The following FBXL20 variants were observed in gnomAD, a reference collection of about 807,000 sequenced individuals.
FBXL20 encodes F-box/LRR-repeat protein 20.
A neutral mutation model predicts 64.0 loss-of-function variants in FBXL20; 11 were observed. The observed-to-expected ratio is 0.17, with a 90% confidence interval of 0.11 to 0.28. The LOEUF (loss-of-function observed/expected upper bound fraction) is 0.28. Among genes scored for constraint, FBXL20 ranks in the 10% least tolerant of loss-of-function variants. The pLI, the probability that FBXL20 is intolerant of heterozygous loss-of-function variation, is 1.00. For missense variants in FBXL20, 303 were observed against 526.2 expected, an observed-to-expected ratio of 0.58 and a Z score of 4.15; for synonymous variants, 184 against 189.0, an observed-to-expected ratio of 0.97 and a Z score of 0.22.
intron 1 of FBXL20, among the ~76,000 whole-genome samples, chr17:39,370,129 T>C (rs993390202): frequency 9.9e-5 from 15 of 151,488 alleles, no homozygotes; most frequent in Non-Finnish European, 1.9e-4. Context: ...AAATAAAATA[T>C]TAATGGAATT....
chr17:39,276,545 T>G (rs1262021083), intron 9 of FBXL20, among the ~76,000 whole-genome samples: 1 of 152,008 alleles, frequency 6.6e-6, no homozygotes, highest in Admixed American at 6.5e-5. Flanking sequence ...GGCGGATGCC[T>G]GTAATCCCAG....
At chr17:39,338,222 TG>T (rs1338782628) in intron 2 of FBXL20, among the ~76,000 whole-genome samples, 1 of 152,252 alleles carries the variant, frequency 6.6e-6, no homozygotes, top group Non-Finnish European at 1.5e-5. Flanking sequence ...GGGATCCTGT[TG>T]ATCTGTGACC....
At chr17:39,301,135 A>G (rs1233948229) in intron 3 of FBXL20, 60 bp from the exon 4 acceptor site, 8 of 1,496,640 alleles carry the variant, frequency 5.3e-6, no homozygotes, top group Admixed American at 3.5e-5. Flanking sequence ...AAAAGGCAGC[A>G]ATATTCAAGT....
intron 12 of FBXL20, among the ~76,000 whole-genome samples, chr17:39,265,687 A>AATT (rs1567855572): frequency 6.7e-6 from 1 of 148,356 alleles, no homozygotes; most frequent in Non-Finnish European, 1.5e-5. Flanking sequence ...AATTAAAAAA[A>AATT]TTTTTTTTTT....
At position 39,401,515 on chromosome 17, in the gene FBXL20, C is replaced by T; in HGVS notation, c.-113G>A. Reference sequence around the variant, plus strand: ...CGGGGACTGGGCGCCGGAGGGGTGACGCCGGGACCGTGGGACGGGAACAAG... The same window carrying T: ...CGGGGACTGGGCGCCGGAGGGGTGATGCCGGGACCGTGGGACGGGAACAAG... On this transcript the variant is annotated 5_prime_UTR_variant, in exon 1 of 15. Coordinates refer to ENST00000264658, the MANE Select transcript of FBXL20 (RefSeq NM_032875.3). The T allele has an allele frequency of 1.4e-6, 2 of 1,471,428 alleles. No homozygotes were observed. Among genetic ancestry groups the T allele is most frequent in the South Asian group, 1.4e-5 (1 of 72,764 alleles). 91.1% of individuals were successfully genotyped at this position (1,471,428 alleles called of 1,614,324 possible).
intron 1 of FBXL20, among the ~76,000 whole-genome samples, chr17:39,388,606 C>T (rs953468409): frequency 1.3e-5 from 2 of 150,942 alleles, no homozygotes; most frequent in Non-Finnish European, 3.0e-5. Context: ...GCCTCAGCCT[C>T]CCGAGTAGCT....
At chr17:39,278,908 C>A (rs1264994721) in intron 9 of FBXL20, among the ~76,000 whole-genome samples, 1 of 150,588 alleles carries the variant, frequency 6.6e-6, no homozygotes, top group Non-Finnish European at 1.5e-5. Context: ...AATCCTAGCA[C>A]TTTGGGAGGC....
At position 39,252,777 on chromosome 17, in the gene FBXL20, T is replaced by A. The variant is rs1289018927; in HGVS notation, c.*8683A>T. ...TTTATATATAAAAAACTTTTTTTTT[T>A]TTTTTTTAGTCCAAAGATTTTTAAA... On this transcript the variant is annotated 3_prime_UTR_variant, in exon 15 of 15. Transcript: ENST00000264658. The A allele has an allele frequency of 2.6e-5, 4 of 151,574 alleles. No homozygotes were observed. The highest frequency in any genetic ancestry group is 5.9e-5 in the Non-Finnish European group (4 of 67,880). The allele number at this position is 151,574 out of a possible 1,614,324, so 9.4% of individuals were successfully genotyped here.
intron 2 of FBXL20, among the ~76,000 whole-genome samples, chr17:39,315,866 A>AGC (rs1555607917): frequency 7.5e-6 from 1 of 132,656 alleles, no homozygotes; most frequent in Non-Finnish European, 1.6e-5. Context: ...AGAGAGAGAG[A>AGC]GAGAGCAACT....
Position 39,261,430 on chromosome 17 carries a change from T to C in FBXL20, c.*30A>G. On this transcript the variant is annotated 3_prime_UTR_variant, in exon 15 of 15. Transcript: ENST00000264658. ...TAGCTCTAGAAGTGTCATTAAATACTCAGTTCGCCAAGGTTGACCACCTCC... is the reference window on the plus strand; with the variant it reads ...TAGCTCTAGAAGTGTCATTAAATACCCAGTTCGCCAAGGTTGACCACCTCC... 2 of 1,546,538 alleles carry C rather than the reference T, an allele frequency of 1.3e-6. No homozygotes were observed. Among genetic ancestry groups the C allele is most frequent in the Non-Finnish European group, 1.8e-6 (2 of 1,118,802 alleles).
intron 12 of FBXL20, among the ~76,000 whole-genome samples, chr17:39,267,693 T>G (rs1260182000): frequency 6.6e-6 from 1 of 152,178 alleles, no homozygotes; most frequent in East Asian, 1.9e-4. Context: ...CAGCACTTCT[T>G]TTCAAATTCT....
At chr17:39,333,335 CG>C (rs1273309011) in intron 2 of FBXL20, among the ~76,000 whole-genome samples, 1 of 152,004 alleles carries the variant, frequency 6.6e-6, no homozygotes, top group Non-Finnish European at 1.5e-5. Flanking sequence ...TTGGTGGAGA[CG>C]GGGTTTCCCC....
intron 1 of FBXL20, among the ~76,000 whole-genome samples, chr17:39,394,543 C>T (rs1393535397): frequency 6.6e-6 from 1 of 150,974 alleles, no homozygotes; most frequent in Non-Finnish European, 1.5e-5. Flanking sequence ...TCCCAAAGTG[C>T]TGAGATTACA....
At chr17:39,348,467 G>GAAA (rs57596962) in intron 1 of FBXL20, among the ~76,000 whole-genome samples, 7 of 148,320 alleles carry the variant, frequency 4.7e-5, no homozygotes, top group African/African-American at 1.5e-4. Context: ...TCAAAAAAAA[G>GAAA]AAAAAAAAAA....
intron 1 of FBXL20, among the ~76,000 whole-genome samples, chr17:39,380,529 C>G (rs1162640760): frequency 1.3e-5 from 2 of 152,190 alleles, no homozygotes; most frequent in East Asian, 3.8e-4. Flanking sequence ...TTCATTAACT[C>G]TGCTCAAATA....
At chr17:39,347,886 A>G (rs2047649424) in intron 1 of FBXL20, among the ~76,000 whole-genome samples, 1 of 152,044 alleles carries the variant, frequency 6.6e-6, no homozygotes, top group Non-Finnish European at 1.5e-5. Context: ...TAAGGAAGGG[A>G]TCCAGTTTCA....
chr17:39,264,259 C>A lies in FBXL20; in HGVS notation c.1119G>T (p.Glu373Asp). The stretch of plus-strand genomic sequence containing the variant: ...CAAGGCTATGACAGCTCTTCAAGTG[C>A]TCCAGGGATGCATCTGTGATTAGTG... ...NCPLITDASL[E>D]HLKSCHSLER... is the part of the protein sequence containing the mutation. The change falls in exon 14 of 15, where the codon GAG (glutamate) becomes GAT (aspartate). Residue 373 changes from glutamate (E) to aspartate (D), a missense_variant. By Grantham distance (45) the Glu-to-Asp change is conservative. Around this residue, in one of 3 missense-constraint regions of FBXL20, gnomAD observed 56 missense variants for 86.0 expected, o/e 0.65. Transcript: ENST00000264658. 6.2e-7 allele frequency: 1 copy of A among 1,614,234 alleles called. No homozygotes were observed. Among genetic ancestry groups the A allele is most frequent in the Middle Eastern group, 1.6e-4 (1 of 6,062 alleles).
chr17:39,322,061 G>T (rs1234945755), intron 2 of FBXL20, among the ~76,000 whole-genome samples: 1 of 150,798 alleles, frequency 6.6e-6, no homozygotes, highest in Admixed American at 6.7e-5. Context: ...AAATGCCTAG[G>T]CCGAGCATGG....
At chr17:39,371,116 G>A (rs568980605) in intron 1 of FBXL20, among the ~76,000 whole-genome samples, 71 of 152,226 alleles carry the variant, frequency 4.7e-4, no homozygotes, top group Non-Finnish European at 8.8e-4. Flanking sequence ...TACTAAGGAG[G>A]CTGAGGCAGG....
Sources: allele counts gnomAD v4.1 joint callset (sites outside exome capture counted in the v4.1 genomes callset), GRCh38; gene constraint gnomAD v4.1.1; regional missense constraint gnomAD v4.1.1; transcripts MANE v1.5; gene names NCBI Gene and HGNC (gene_info 2026-07-23, HGNC 2026-07-21).